Variants in HMGA1 observed in about 807,000 individuals in gnomAD.
The protein encoded by HMGA1 is high mobility group protein HMG-I/HMG-Y.
HMGA1 carries 1 observed loss-of-function variant against 15.1 expected under a neutral mutation model. The ratio of observed to expected loss-of-function variants is 0.07; its 90% CI spans 0.02 to 0.31. The LOEUF is 0.31. HMGA1 is among the 10% of genes least tolerant of loss of function. The pLI is 1.00. For synonymous variants in HMGA1, 56 were observed against 54.8 expected (o/e 1.02, Z -0.10); for missense variants, 94 against 141.4 (o/e 0.66, Z 1.70).
chr6:34,242,677 A>G, intron 3 of HMGA1, 35 bp from the exon 4 acceptor site: 1 of 1,443,938 alleles, frequency 6.9e-7, no homozygotes, highest in Non-Finnish European at 9.5e-7. Flanking sequence ...GAAACAGGTG[A>G]TGACTGTCCC....
intron 3 of HMGA1, among the ~76,000 whole-genome samples, chr6:34,242,112 C>T (rs1175284302): frequency 1.3e-5 from 2 of 152,180 alleles, no homozygotes; most frequent in Non-Finnish European, 2.9e-5. Flanking sequence ...GCTTTTTATT[C>T]TATCTACGGC....
chr6:34,237,676 C>T (rs1415568487), intron 2 of HMGA1, among the ~76,000 whole-genome samples: 1 of 111,892 alleles, frequency 8.9e-6, no homozygotes, highest in Non-Finnish European at 2.0e-5. Context: ...GGCGGCCGCT[C>T]CCGCTGGAGC....
At position 34,243,490 on chromosome 6, in the gene HMGA1, G is replaced by A. The variant is rs775570321; in HGVS notation, c.242G>A (p.Arg81Lys). The change falls in exon 5 of 6, where the codon AGG becomes AAG. Residue 81 changes from arginine to lysine, a missense_variant. Arg to Lys is a conservative substitution (Grantham distance 26, BLOSUM62 2). Coordinates refer to ENST00000311487, the MANE Select transcript of HMGA1 (RefSeq NM_145899.3). ...TAGAAAACCACCACAACTCCAGGAA[G>A]GAAACCAAGGGGCAGACCCAAAAAA... Reference protein sequence around the residue: ...KTRKTTTTPGRKPRGRPKKLE... With the variant: ...KTRKTTTTPGKKPRGRPKKLE... 6.2e-7 allele frequency: 1 copy of A among 1,613,878 alleles called. No individual in the cohort carries two copies. The highest frequency in any genetic ancestry group is 1.1e-5 in the South Asian group (1 of 91,072).
At chr6:34,243,922 G>C (rs1762505396) in intron 5 of HMGA1, among the ~76,000 whole-genome samples, 1 of 152,144 alleles carries the variant, frequency 6.6e-6, no homozygotes, top group Admixed American at 6.5e-5. Flanking sequence ...AACAGCGAAG[G>C]AGCTGGGCCC....
At chr6:34,243,200 AGTT>A (rs201601110) in intron 4 of HMGA1, among the ~76,000 whole-genome samples, 72 of 152,206 alleles carry the variant, frequency 4.7e-4, no homozygotes, top group Admixed American at 6.5e-4. Context: ...CTTTCAGAAA[AGTT>A]GTTTTGTTTT....
intron 1 of HMGA1, 23 bp downstream of exon 1, chr6:34,236,986 G>A (rs1449975569): frequency 6.6e-6 from 1 of 152,332 alleles, no homozygotes; most frequent in Non-Finnish European, 1.5e-5. Context: ...CCGCTCCGGT[G>A]GCTTCTTTTT....
chr6:34,242,691 C>CT, intron 3 of HMGA1, 21 bp from the exon 4 acceptor site: 1 of 1,531,448 alleles, frequency 6.5e-7, no homozygotes, highest in Non-Finnish European at 8.9e-7. Flanking sequence ...CTGTCCCTGA[C>CT]TACCCCCTCT....
At chr6:34,241,145 T>C in intron 3 of HMGA1, among the ~76,000 whole-genome samples, 1 of 152,064 alleles carries the variant, frequency 6.6e-6, no homozygotes, top group East Asian at 1.9e-4. Flanking sequence ...CAAGATAAAT[T>C]CTGAAGCCAA....
rs749447567 is a variant in HMGA1 at position 34,244,964 on chromosome 6, C to T, written c.*80C>T. 6.5e-7 allele frequency: 1 copy of T among 1,543,410 alleles called. No homozygotes were observed. Among genetic ancestry groups the T allele is most frequent in the South Asian group, 1.2e-5 (1 of 83,734 alleles). On this transcript the variant is annotated 3_prime_UTR_variant, in exon 6 of 6. Coordinates refer to ENST00000311487, the MANE Select transcript of HMGA1 (RefSeq NM_145899.3). Reference sequence around the variant, plus strand: ...CAGCTTTGCTCCGCTCCCACCGCCCCCACCCCTTCCCCAGGCCCACCATCA... The same window carrying T: ...CAGCTTTGCTCCGCTCCCACCGCCCTCACCCCTTCCCCAGGCCCACCATCA...
chr6:34,245,971 A>G lies in HMGA1; in HGVS notation c.*1087A>G, dbSNP rs919612284. 10 of 277,316 alleles carry G rather than the reference A, an allele frequency of 3.6e-5. No homozygotes were observed. The highest frequency in any genetic ancestry group is 1.8e-4 in the African/African-American group (8 of 45,114). 17.2% of individuals were successfully genotyped at this position (277,316 alleles called of 1,614,324 possible). On this transcript the variant is annotated 3_prime_UTR_variant, in exon 6 of 6. Coordinates refer to ENST00000311487, the MANE Select transcript of HMGA1 (RefSeq NM_145899.3). Reference sequence around the variant, plus strand: ...GTTCTGCCCACGATCCCCTCCCCCAAGATACTCTTTGTGGGGAAGAGGGGC... The same window carrying G: ...GTTCTGCCCACGATCCCCTCCCCCAGGATACTCTTTGTGGGGAAGAGGGGC...
At chr6:34,238,813 G>A (rs1192799931) in intron 2 of HMGA1, 2 of 152,040 alleles carry the variant, frequency 1.3e-5, no homozygotes, top group African/African-American at 2.4e-5. Flanking sequence ...CAAGAGGTGG[G>A]GGGAGGCACC....
At chr6:34,237,343 G>A (rs2127536094) in intron 2 of HMGA1, 26 bp downstream of exon 2, 1 of 146,088 alleles carries the variant, frequency 6.8e-6, no homozygotes, top group Non-Finnish European at 1.5e-5. Context: ...GGCCCGCGGC[G>A]GCGGCGGCGG....
chr6:34,244,757 G>T (rs559018363), intron 5 of HMGA1, 74 bp from the exon 6 acceptor site: 4 of 1,262,756 alleles, frequency 3.2e-6, no homozygotes, highest in East Asian at 2.5e-5. Flanking sequence ...TGCAGGGAGC[G>T]GGTGGGGCCA....
chr6:34,245,451 G>T lies in HMGA1; in HGVS notation c.*567G>T. ...CCAGCCAAACTGTCTTTGTCACCAC[G>T]TGGGGCTCACTTTTCATCCTTCCCC... On this transcript the variant is annotated 3_prime_UTR_variant, in exon 6 of 6. Transcript: ENST00000311487. 1 of 1,374,436 alleles carries T rather than the reference G, an allele frequency of 7.3e-7. No individual in the cohort carries two copies. The highest frequency in any genetic ancestry group is 9.6e-7 in the Non-Finnish European group (1 of 1,037,330). 85.1% of individuals were successfully genotyped at this position (1,374,436 alleles called of 1,614,324 possible).
At position 34,240,827 on chromosome 6, in the gene HMGA1, A is replaced by G; in HGVS notation, c.47A>G (p.Gln16Arg). ...TCCAGCCAGCCCTTGGCCTCCAAGC[A>G]GGAAAAGGACGGCACTGAGAAGCGG... ...SKSSQPLASK[Q>R]EKDGTEKRGR... Residue 16 changes from glutamine (Q) to arginine (R), a missense_variant, in exon 3 of 6, where the codon CAG becomes CGG. By Grantham distance (43) the Gln-to-Arg change is conservative. Coordinates refer to ENST00000311487, the MANE Select transcript of HMGA1 (RefSeq NM_145899.3). 6.2e-7 allele frequency: 1 copy of G among 1,613,162 alleles called. No individual in the cohort carries two copies. Among genetic ancestry groups the G allele is most frequent in the African/African-American group, 1.3e-5 (1 of 75,016 alleles).
chr6:34,237,640 C>A (rs1455440634), intron 2 of HMGA1, among the ~76,000 whole-genome samples: 1 of 148,564 alleles, frequency 6.7e-6, no homozygotes, highest in African/African-American at 2.5e-5. Context: ...CCGGCGGAGC[C>A]CGGAGGAGCC....
chr6:34,239,065 CTAATGACGGAGCAGGA>C (rs1441660692), intron 2 of HMGA1: 3 of 152,180 alleles, frequency 2.0e-5, no homozygotes, highest in African/African-American at 7.2e-5. Context: ...GGCCAAGCCA[CTAATGACGGAGCAGGA>C]TAAATCACCA....
intron 3 of HMGA1, among the ~76,000 whole-genome samples, chr6:34,241,381 G>T (rs145625561): frequency 6.6e-6 from 1 of 152,232 alleles, no homozygotes; most frequent in Non-Finnish European, 1.5e-5. Context: ...ACTTATGGTC[G>T]ATTCTTGTAC....
intron 2 of HMGA1, among the ~76,000 whole-genome samples, chr6:34,237,656 C>G (rs1761898250): frequency 6.9e-6 from 1 of 144,372 alleles, no homozygotes; most frequent in African/African-American, 2.5e-5. Flanking sequence ...GAGCCCGGCG[C>G]ACCTCGCGCG....
Sources: allele counts gnomAD v4.1 joint callset (sites outside exome capture counted in the v4.1 genomes callset), GRCh38; gene constraint gnomAD v4.1.1; transcripts MANE v1.5; gene names NCBI Gene and HGNC (gene_info 2026-07-23, HGNC 2026-07-21).